CSNK1G2: variants seen among roughly 807,000 people sequenced by gnomAD.
CSNK1G2 encodes casein kinase I isoform gamma-2.
A neutral mutation model predicts 48.0 loss-of-function variants in CSNK1G2; 11 were observed. The ratio of observed to expected loss-of-function variants is 0.23; its 90% CI spans 0.14 to 0.38. The LOEUF (loss-of-function observed/expected upper bound fraction) is 0.38, where lower values mean the gene tolerates loss of function less well. CSNK1G2 is among the 10% of genes least tolerant of loss of function. The pLI, the probability that CSNK1G2 is intolerant of heterozygous loss-of-function variation, is 1.00. For missense variants in CSNK1G2, 446 were observed against 595.5 expected, an observed-to-expected ratio of 0.75 and a Z score of 2.61; for synonymous variants, 337 against 254.1, an observed-to-expected ratio of 1.33 and a Z score of -3.10.
chr19:1,950,254 C>T (rs2014714879), intron 1 of CSNK1G2, among the ~76,000 whole-genome samples: 1 of 152,038 alleles, frequency 6.6e-6, no homozygotes, highest in African/African-American at 2.4e-5. Context: ...ATTCTCCTGC[C>T]TCAGCCTCCC....
chr19:1,970,061 C>T (rs2015513400), intron 2 of CSNK1G2, 102 bp downstream of exon 2: 1 of 961,330 alleles, frequency 1.0e-6, no homozygotes, highest in East Asian at 3.2e-5. Context: ...ACTGGAGCCT[C>T]TGGCGGGGCC....
Position 1,980,211 on chromosome 19 carries a change from C to T in CSNK1G2, c.*8C>T, listed in dbSNP as rs777624864. 18 of 1,612,694 alleles carry T rather than the reference C, an allele frequency of 1.1e-5. No individual in the cohort carries two copies. Among genetic ancestry groups the T allele is most frequent in the South Asian group, 7.7e-5 (7 of 91,094 alleles). ...CTGCAGCGACACAAGTGACCCTGGG[C>T]GCGTGCAGCCCCCTGAATCTTCTCC... On this transcript the variant is annotated 3_prime_UTR_variant, in exon 12 of 12. Transcript: ENST00000255641.
rs543091734 is a variant in CSNK1G2, at chr19:1,951,172, C to T, written c.-266+9754C>T. On this transcript the variant is annotated intron_variant, in intron 1 of 11. Transcript: ENST00000255641. ...ATCCCAGCACTTTGGGAGGCCGAGA[C>T]GGGCAGATCACGAGGTCAGGAGATT... Among the ~76,000 whole-genome samples, 14 of 145,418 alleles carry T rather than the reference C, an allele frequency of 9.6e-5. 2 individuals are homozygous for T. The highest frequency in any genetic ancestry group is 1.8e-4 in the Non-Finnish European group (12 of 67,062).
At chr19:1,946,061 C>A (rs1031537128) in intron 1 of CSNK1G2, among the ~76,000 whole-genome samples, 2 of 151,974 alleles carry the variant, frequency 1.3e-5, no homozygotes, top group Admixed American at 6.6e-5. Context: ...GGAGGCCACG[C>A]GTATGTTCCC....
chr19:1,980,626 A>C lies in CSNK1G2; in HGVS notation c.*423A>C. The C allele has an allele frequency of 4.6e-6, 1 of 217,014 alleles. No individual in the cohort carries two copies. Among genetic ancestry groups the C allele is most frequent in the Non-Finnish European group, 9.4e-6 (1 of 105,902 alleles). 13.4% of individuals were successfully genotyped at this position (217,014 alleles called of 1,614,324 possible). On this transcript the variant is annotated 3_prime_UTR_variant, in exon 12 of 12. Coordinates refer to ENST00000255641, the MANE Select transcript of CSNK1G2 (RefSeq NM_001319.7). ...AGTCCAGCTTGTCTCCCTCGATCCA[A>C]AGGCCGTTTTCTCGAGGGGAGGGCA...
chr19:1,975,227 C>T (rs771267175), intron 2 of CSNK1G2: 14 of 985,362 alleles, frequency 1.4e-5, no homozygotes, highest in East Asian at 1.1e-4. Flanking sequence ...AGGACGTTGG[C>T]GAGCATCCGC....
At chr19:1,942,837 C>G (rs2014418359) in intron 1 of CSNK1G2, among the ~76,000 whole-genome samples, 1 of 152,168 alleles carries the variant, frequency 6.6e-6, no homozygotes, top group Admixed American at 6.5e-5. Context: ...GTCACTGGTA[C>G]TTTGTTTTGT....
chr19:1,975,330 G>C, intron 2 of CSNK1G2: 3 of 985,476 alleles, frequency 3.0e-6, no homozygotes, highest in Non-Finnish European at 3.6e-6. Context: ...CCTCAGCCTG[G>C]GGGAGCGCAG....
intron 1 of CSNK1G2, among the ~76,000 whole-genome samples, chr19:1,962,698 G>A (rs1002201248): frequency 1.3e-5 from 2 of 152,098 alleles, no homozygotes; most frequent in Non-Finnish European, 2.9e-5. Context: ...GCGCTGGGGT[G>A]GGTGTGTAGA....
At chr19:1,943,727 C>CT (rs1239970000) in intron 1 of CSNK1G2, among the ~76,000 whole-genome samples, 1 of 152,206 alleles carries the variant, frequency 6.6e-6, no homozygotes, top group African/African-American at 2.4e-5. Context: ...CGGACGGAAG[C>CT]TGAGCTTAGG....
At chr19:1,977,452 C>T (rs539293349) in intron 2 of CSNK1G2, among the ~76,000 whole-genome samples, 1 of 152,172 alleles carries the variant, frequency 6.6e-6, no homozygotes, top group East Asian at 1.9e-4. Flanking sequence ...GGGGGTGTAA[C>T]ATGTAAAAAG....
At chr19:1,942,305 G>A (rs996162459) in intron 1 of CSNK1G2, among the ~76,000 whole-genome samples, 6 of 152,284 alleles carry the variant, frequency 3.9e-5, no homozygotes, top group African/African-American at 9.6e-5. Context: ...CCGTTGAGGG[G>A]CGTGGGGGCT....
At chr19:1,960,746 G>A (rs1051044781) in intron 1 of CSNK1G2, among the ~76,000 whole-genome samples, 3 of 152,132 alleles carry the variant, frequency 2.0e-5, no homozygotes, top group Admixed American at 1.3e-4. Flanking sequence ...AAAATTAACC[G>A]GGCATGGTGG....
At chr19:1,974,375 G>T (rs185946300) in intron 2 of CSNK1G2, among the ~76,000 whole-genome samples, 1 of 152,290 alleles carries the variant, frequency 6.6e-6, no homozygotes, top group East Asian at 1.9e-4. Context: ...CCACTCCCCT[G>T]CTGATGGCAT....
chr19:1,953,259 C>A (rs866637036), intron 1 of CSNK1G2: 280 of 400,090 alleles, frequency 7.0e-4, no homozygotes, highest in Admixed American at 2.4e-3. Context: ...CCCCTGCCCC[C>A]CTGGCAAGAC....
At chr19:1,949,080 C>T (rs2014673320) in intron 1 of CSNK1G2, among the ~76,000 whole-genome samples, 1 of 152,158 alleles carries the variant, frequency 6.6e-6, no homozygotes, top group South Asian at 2.1e-4. Flanking sequence ...CTGGCGCCCT[C>T]AGGGCAACCT....
intron 1 of CSNK1G2, among the ~76,000 whole-genome samples, chr19:1,960,149 G>C (rs755072662): frequency 6.6e-6 from 1 of 152,204 alleles, no homozygotes; most frequent in Admixed American, 6.5e-5. Flanking sequence ...GAATGTCTGC[G>C]TCAGCACAGG....
intron 1 of CSNK1G2, among the ~76,000 whole-genome samples, chr19:1,949,970 G>T (rs955941834): frequency 1.3e-5 from 2 of 152,234 alleles, no homozygotes; most frequent in Non-Finnish European, 2.9e-5. Context: ...ACAGACAGAT[G>T]GATGTGCTGC....
intron 1 of CSNK1G2, among the ~76,000 whole-genome samples, chr19:1,949,163 C>T (rs948106181): frequency 6.6e-6 from 1 of 152,234 alleles, no homozygotes; most frequent in African/African-American, 2.4e-5. Flanking sequence ...TCTGTGAGTG[C>T]AGCCACCACC....
Sources: allele counts gnomAD v4.1 joint callset (sites outside exome capture counted in the v4.1 genomes callset), GRCh38; gene constraint gnomAD v4.1.1; transcripts MANE v1.5; gene names NCBI Gene and HGNC (gene_info 2026-07-23, HGNC 2026-07-21).